Variants in ADAMTS12 observed in about 807,000 individuals in gnomAD.
The protein encoded by ADAMTS12 is A disintegrin and metalloproteinase with thrombospondin motifs 12.
In ADAMTS12, 118 loss-of-function variants were observed where a neutral mutation model predicts 167.8. The ratio of observed to expected loss-of-function variants is 0.70; its 90% CI spans 0.61 to 0.82. The LOEUF (loss-of-function observed/expected upper bound fraction) is 0.82. Among genes scored for constraint, ADAMTS12 ranks in the 40% least tolerant of loss-of-function variants. The pLI, the probability that ADAMTS12 is intolerant of heterozygous loss-of-function variation, is 0.00. For synonymous variants in ADAMTS12, 704 were observed against 716.9 expected (o/e 0.98, Z 0.29); for missense variants, 1,916 against 1,998.8 (o/e 0.96, Z 0.79).
intron 9 of ADAMTS12, among the ~76,000 whole-genome samples, chr5:33,646,893 G>GA (rs1740686700): frequency 6.6e-6 from 1 of 151,686 alleles, no homozygotes; most frequent in African/African-American, 2.4e-5. Flanking sequence ...GAAAGTGAGA[G>GA]AAAATTCAGA....
intron 10 of ADAMTS12, among the ~76,000 whole-genome samples, chr5:33,642,598 T>C (rs1032504452): frequency 2.6e-5 from 4 of 152,200 alleles, no homozygotes; most frequent in Admixed American, 6.5e-5. Flanking sequence ...CTCTCCCCTC[T>C]TCAAGGCAAT....
At chr5:33,692,256 C>T (rs925248437) in intron 3 of ADAMTS12, among the ~76,000 whole-genome samples, 1 of 152,112 alleles carries the variant, frequency 6.6e-6, no homozygotes, top group African/African-American at 2.4e-5. Context: ...AAGGCAGAGC[C>T]CCTTCTCTTC....
At chr5:33,545,573 G>A (rs923212874) in intron 22 of ADAMTS12, among the ~76,000 whole-genome samples, 54 of 152,128 alleles carry the variant, frequency 3.5e-4, no homozygotes, top group African/African-American at 1.3e-3. Context: ...TATGTTTATT[G>A]TGGCACTATT....
At chr5:33,552,648 C>A (rs533517014) in intron 20 of ADAMTS12, among the ~76,000 whole-genome samples, 146 of 152,258 alleles carry the variant, frequency 9.6e-4, no homozygotes, top group African/African-American at 3.4e-3. Context: ...ATTCATAAGA[C>A]CCTTAAAATA....
intron 9 of ADAMTS12, among the ~76,000 whole-genome samples, chr5:33,647,885 T>G (rs184860301): frequency 6.6e-6 from 1 of 152,350 alleles, no homozygotes; most frequent in East Asian, 1.9e-4. Flanking sequence ...CTTTCCCCTT[T>G]AAGTTTTTTC....
At chr5:33,719,872 G>T (rs1462969670) in intron 3 of ADAMTS12, among the ~76,000 whole-genome samples, 1 of 152,126 alleles carries the variant, frequency 6.6e-6, no homozygotes, top group East Asian at 1.9e-4. Context: ...AGAAAAAATT[G>T]TTTTGAAAAT....
rs1749159163 is a variant in ADAMTS12 at position 33,849,934 on chromosome 5, A to G, written c.489+31185T>C. Among the ~76,000 whole-genome samples the G allele has an allele frequency of 2.0e-5, 3 of 152,148 alleles. No homozygotes were observed. The South Asian group carries it at 6.2e-4, about 32-fold the overall frequency. The stretch of plus-strand genomic sequence containing the variant: ...TATAGATAGCATGTGTATATAATAT[A>G]TACACACACTATACTAGTAGCAGAG... On this transcript the variant is annotated intron_variant, in intron 2 of 23. Transcript: ENST00000504830.
chr5:33,686,868 A>C lies in ADAMTS12; in HGVS notation c.635-2813T>G, dbSNP rs569454539. Among the ~76,000 whole-genome samples, 188 of 150,504 alleles carry C rather than the reference A, an allele frequency of 1.2e-3. 1 individual carries two copies. The highest frequency in any genetic ancestry group is 7.1e-3 in the East Asian group (36 of 5,066). Reference sequence around the variant, plus strand: ...CCTCATCTGTCTCCTCTCTCTCTATATATATATGTAGGCACTGAATATATA... The same window carrying C: ...CCTCATCTGTCTCCTCTCTCTCTATCTATATATGTAGGCACTGAATATATA... On this transcript the variant is annotated intron_variant, in intron 3 of 23. Transcript: ENST00000504830.
chr5:33,566,933 T>C (rs1376032915), intron 19 of ADAMTS12, among the ~76,000 whole-genome samples: 1 of 152,114 alleles, frequency 6.6e-6, no homozygotes, highest in African/African-American at 2.4e-5. Context: ...CAGGGCAAAT[T>C]TGATGATGGG....
chr5:33,659,532 G>A (rs2112213443), intron 6 of ADAMTS12, among the ~76,000 whole-genome samples: 1 of 152,278 alleles, frequency 6.6e-6, no homozygotes, highest in Admixed American at 6.5e-5. Flanking sequence ...TTTTGATATG[G>A]CAGGAGGTCA....
At chr5:33,839,848 T>A (rs1561300971) in intron 2 of ADAMTS12, among the ~76,000 whole-genome samples, 1 of 152,230 alleles carries the variant, frequency 6.6e-6, no homozygotes. Flanking sequence ...ACAAATACAG[T>A]AGTTTGCTTG....
At chr5:33,831,527 T>C (rs1449161749) in intron 2 of ADAMTS12, among the ~76,000 whole-genome samples, 1 of 152,236 alleles carries the variant, frequency 6.6e-6, no homozygotes, top group Non-Finnish European at 1.5e-5. Flanking sequence ...CTTGACTTAC[T>C]GCATTTTGAG....
chr5:33,788,639 A>G (rs960418598), intron 2 of ADAMTS12, among the ~76,000 whole-genome samples: 2 of 152,188 alleles, frequency 1.3e-5, no homozygotes, highest in African/African-American at 4.8e-5. Flanking sequence ...GTGCACCAGG[A>G]AGCTATTTTG....
chr5:33,588,920 T>G (rs1032767340), intron 17 of ADAMTS12, 111 bp from the exon 18 acceptor site: 56 of 1,301,930 alleles, frequency 4.3e-5, no homozygotes, highest in South Asian at 1.3e-4. Context: ...GGAAGGGCCA[T>G]GGAGACACTC....
chr5:33,853,987 G>A (rs757078843), intron 2 of ADAMTS12, among the ~76,000 whole-genome samples: 11 of 152,136 alleles, frequency 7.2e-5, no homozygotes, highest in Admixed American at 7.2e-4. Context: ...GTGCATAGTC[G>A]AGCTAGGACT....
In ADAMTS12 at chr5:33,525,568, T is replaced by C. The variant is rs907952687; in HGVS notation, c.*1620A>G. ...GAGAGTTTCACATACACTTACCCAT[T>C]TGTATGCCTATCTATGTTTACATTA... is the stretch of plus-strand genomic sequence containing the variant. On this transcript the variant is annotated 3_prime_UTR_variant, in exon 24 of 24. Transcript: ENST00000504830. The C allele has an allele frequency of 1.3e-5, 2 of 152,240 alleles. No individual in the cohort carries two copies. Among genetic ancestry groups the C allele is most frequent in the Non-Finnish European group, 2.9e-5 (2 of 68,038 alleles). The allele number at this position is 152,240 out of a possible 1,614,324, so 9.4% of individuals were successfully genotyped here. A position where few individuals can be genotyped will look rare whatever the true frequency, so the allele number is the denominator to read the frequency against.
In ADAMTS12 at chr5:33,561,156, C is replaced by T; in HGVS notation, c.3996G>A (p.Gly1332=). The T allele has an allele frequency of 1.2e-6, 2 of 1,614,014 alleles. No homozygotes were observed. Among genetic ancestry groups the T allele is most frequent in the Non-Finnish European group, 1.7e-6 (2 of 1,179,996 alleles). ...TGCACTCCACCCTTCTCCAGTAGGC[C>T]CCCAGGCCACATGTGGTGGAGCACT... The part of the protein sequence containing the change: ...WSECSTTCGL[G]AYWRRVECST... Residue 1332 remains glycine (G), a synonymous_variant, in exon 20 of 24, where the codon GGG becomes GGA. Transcript: ENST00000504830.
chr5:33,775,641 T>C (rs1210632654), intron 2 of ADAMTS12, among the ~76,000 whole-genome samples: 1 of 152,172 alleles, frequency 6.6e-6, no homozygotes, highest in Non-Finnish European at 1.5e-5. Flanking sequence ...TGTGAGACAT[T>C]GTAACACCTG....
chr5:33,617,828 T>C (rs1375622657), intron 14 of ADAMTS12, among the ~76,000 whole-genome samples: 3 of 152,194 alleles, frequency 2.0e-5, no homozygotes, highest in Admixed American at 2.0e-4. Flanking sequence ...GTTTGCTTTT[T>C]ATTCTTCCAC....
Sources: gnomAD v4.1 joint callset for allele counts (sites outside exome capture counted in the v4.1 genomes callset) on GRCh38, gnomAD v4.1.1 for gene constraint, MANE v1.5 for transcripts, NCBI Gene and HGNC (gene_info 2026-07-23, HGNC 2026-07-21) for gene names.